The following FAAH2 variants were observed in gnomAD, a reference collection of about 807,000 sequenced individuals.
The protein encoded by FAAH2 is fatty-acid amide hydrolase 2.
Under a neutral mutation model 36.9 loss-of-function variants are expected in FAAH2, and 60 were observed. That is an observed-to-expected ratio of 1.63 (90% CI 1.32 to 2.02). The LOEUF is 2.02. FAAH2 is among the 30% of genes most tolerant of loss of function. The probability of loss-of-function intolerance (pLI) is 0.00; values close to 1 mark genes in which losing one functional copy is unlikely to be tolerated. For missense variants in FAAH2, 689 were observed against 397.5 expected, an observed-to-expected ratio of 1.73 and a Z score of -6.23; for synonymous variants, 214 against 143.8, an observed-to-expected ratio of 1.49 and a Z score of -3.49.
At chrX:57,154,165 C>T in the FAAH2 span, among the ~76,000 whole-genome samples, 1 of 110,141 alleles carries the variant, frequency 9.1e-6, no homozygotes, top group Non-Finnish European at 1.9e-5. Context: ...CCTTCTAGTA[C>T]ATTTTGCATT....
At chrX:57,385,448 G>T (rs997588083) in intron 7 of FAAH2, among the ~76,000 whole-genome samples, 1 of 111,307 alleles carries the variant, frequency 9.0e-6, no homozygotes, top group African/African-American at 3.3e-5. Context: ...GAAAGTCCAA[G>T]ATCAAGGTTC....
intron 7 of FAAH2, among the ~76,000 whole-genome samples, chrX:57,423,975 C>T (rs2056098305): frequency 9.0e-6 from 1 of 111,348 alleles, no homozygotes; most frequent in Admixed American, 9.5e-5. Flanking sequence ...ATTACAACAT[C>T]GGCCGACACA....
At chrX:57,169,290 C>G in the FAAH2 span, among the ~76,000 whole-genome samples, 1 of 104,259 alleles carries the variant, frequency 9.6e-6, no homozygotes, top group African/African-American at 3.4e-5. Context: ...TGAGGAGAAG[C>G]ACAGTTTAGT....
intron 10 of FAAH2, among the ~76,000 whole-genome samples, chrX:57,482,551 A>T (rs1327815125): frequency 9.2e-6 from 1 of 109,024 alleles, no homozygotes; most frequent in African/African-American, 3.3e-5. Flanking sequence ...GCTTCTGCTC[A>T]CCCTCCTGTG....
intron 7 of FAAH2, among the ~76,000 whole-genome samples, chrX:57,391,286 G>A (rs1238045297): frequency 9.9e-5 from 11 of 111,219 alleles, no homozygotes; most frequent in African/African-American, 3.6e-4. Context: ...TTGCTCTGTT[G>A]ATTATTTCCT....
chrX:57,474,439 ATGAG>A (rs2147258046), intron 10 of FAAH2, among the ~76,000 whole-genome samples: 1 of 110,215 alleles, frequency 9.1e-6, no homozygotes, highest in South Asian at 3.9e-4. Flanking sequence ...ACTCCCACTT[ATGAG>A]TGAGAACATG....
intron 8 of FAAH2, among the ~76,000 whole-genome samples, chrX:57,440,608 G>A (rs920305235): frequency 1.8e-5 from 2 of 111,400 alleles, no homozygotes; most frequent in South Asian, 7.5e-4. Flanking sequence ...TCCCTTGTCT[G>A]ATTTCCCTAA....
chrX:57,292,481 AGTATT>A lies in FAAH2; in HGVS notation c.193-11_193-7del. On this transcript the variant is annotated splice_polypyrimidine_tract_variant and intron_variant, in intron 1 of 10. Coordinates refer to ENST00000374900, the MANE Select transcript of FAAH2 (RefSeq NM_174912.4). ...TAGTGAATAAATGGCTGCTGACTAA[AGTATT>A]GTATTTTGCAGGTGAAATGTATAGA... The A allele has an allele frequency of 1.7e-6, 2 of 1,186,087 alleles. No individual in the cohort carries two copies. The highest frequency in any genetic ancestry group is 2.3e-6 in the Non-Finnish European group (2 of 877,402).
chrX:57,216,992 C>T, the FAAH2 span, among the ~76,000 whole-genome samples: 1 of 110,422 alleles, frequency 9.1e-6, no homozygotes, highest in Non-Finnish European at 1.9e-5. Context: ...GGTGGTATCG[C>T]ATTGTGGTTT....
At chrX:57,371,697 T>C (rs752996650) in intron 5 of FAAH2, among the ~76,000 whole-genome samples, 1 of 110,364 alleles carries the variant, frequency 9.1e-6, no homozygotes, top group East Asian at 2.9e-4. Flanking sequence ...GCAAGGTTTC[T>C]AAAAAGGTAT....
chrX:57,208,988 A>G, the FAAH2 span, among the ~76,000 whole-genome samples: 1 of 111,538 alleles, frequency 9.0e-6, no homozygotes, highest in African/African-American at 3.3e-5. Context: ...AGTGCTGCAG[A>G]GATTTTGTTT....
chrX:57,452,348 C>T (rs1406257333), intron 10 of FAAH2: 17 of 746,545 alleles, frequency 2.3e-5, no homozygotes, highest in Non-Finnish European at 2.7e-5. Flanking sequence ...CTCAAGAGTC[C>T]CTCTTGTACC....
chrX:57,453,780 G>T (rs977162655), intron 10 of FAAH2, among the ~76,000 whole-genome samples: 1 of 111,984 alleles, frequency 8.9e-6, no homozygotes, highest in Non-Finnish European at 1.9e-5. Context: ...CCATCCCACA[G>T]CTCTTAGATG....
chrX:57,478,355 ATTTG>A (rs1186755300), intron 10 of FAAH2, among the ~76,000 whole-genome samples: 2 of 110,812 alleles, frequency 1.8e-5, no homozygotes, highest in African/African-American at 6.6e-5. Context: ...TTTCTTGTAA[ATTTG>A]TTTGAGTTCA....
intron 10 of FAAH2, among the ~76,000 whole-genome samples, chrX:57,468,678 G>T (rs1444380710): frequency 1.8e-5 from 2 of 111,780 alleles, no homozygotes; most frequent in Admixed American, 9.5e-5. Flanking sequence ...CACTCTACAG[G>T]ATATTATCCA....
intron 7 of FAAH2, among the ~76,000 whole-genome samples, chrX:57,383,201 C>G (rs968909835): frequency 8.9e-6 from 1 of 111,874 alleles, no homozygotes; most frequent in Non-Finnish European, 1.9e-5. Flanking sequence ...CTATCTATGA[C>G]AAACCCACAG....
At chrX:57,142,736 C>A in the FAAH2 span, among the ~76,000 whole-genome samples, 15 of 111,645 alleles carry the variant, frequency 1.3e-4, no homozygotes, top group African/African-American at 4.9e-4. Context: ...GTTTTGGGAT[C>A]TACCTCTCTC....
At chrX:57,142,762 A>G in the FAAH2 span, among the ~76,000 whole-genome samples, 1 of 111,813 alleles carries the variant, frequency 8.9e-6, no homozygotes, top group Non-Finnish European at 1.9e-5. Context: ...TTGTACTAAT[A>G]TTTTTAAATA....
chrX:57,325,167 C>G (rs1333216650), intron 3 of FAAH2, among the ~76,000 whole-genome samples: 17 of 111,945 alleles, frequency 1.5e-4, no homozygotes, highest in Non-Finnish European at 1.3e-4. Context: ...GTTGAAGCAG[C>G]CTTGCATCCC....
Sources: gnomAD v4.1 joint callset for allele counts (sites outside exome capture counted in the v4.1 genomes callset) on GRCh38, gnomAD v4.1.1 for gene constraint, MANE v1.5 for transcripts, NCBI Gene and HGNC (gene_info 2026-07-23, HGNC 2026-07-21) for gene names.